The following CDH4 variants were observed in gnomAD, a reference collection of about 807,000 sequenced individuals.
The protein encoded by CDH4 is cadherin-4.
In CDH4, 33 loss-of-function variants were observed where a neutral mutation model predicts 86.0. That is an observed-to-expected ratio of 0.38 (90% CI 0.29 to 0.51). CDH4 has a LOEUF of 0.51. CDH4 is among the 20% of genes least tolerant of loss of function. The pLI, the probability that CDH4 is intolerant of heterozygous loss-of-function variation, is 0.86. For missense variants in CDH4, 1,114 were observed against 1,307.4 expected, an observed-to-expected ratio of 0.85 and a Z score of 2.28; for synonymous variants, 555 against 549.4, an observed-to-expected ratio of 1.01 and a Z score of -0.14.
At chr20:61,853,312 C>T (rs904535153) in intron 6 of CDH4, among the ~76,000 whole-genome samples, 2 of 152,066 alleles carry the variant, frequency 1.3e-5, no homozygotes, top group African/African-American at 4.8e-5. Context: ...GGTGCCCATG[C>T]CAGGGCCTGG....
At chr20:61,562,402 G>A (rs6587248) in intron 2 of CDH4, among the ~76,000 whole-genome samples, 29,855 of 89,944 alleles carry the variant, frequency 0.33, 4,201 homozygotes, top group African/African-American at 0.47. Context: ...GGAGAGAGAG[G>A]GGGACCTTCG....
chr20:61,667,612 C>A (rs372414490), intron 2 of CDH4, among the ~76,000 whole-genome samples: 1 of 152,054 alleles, frequency 6.6e-6, no homozygotes. Context: ...GAGGTGATGG[C>A]CCAGGACTGG....
intron 2 of CDH4, among the ~76,000 whole-genome samples, chr20:61,712,570 C>T (rs1600901410): frequency 6.6e-6 from 1 of 152,206 alleles, no homozygotes; most frequent in Admixed American, 6.5e-5. Flanking sequence ...CTCCTTTCTT[C>T]CTCCTCCCCT....
rs1426188858 is a variant in CDH4, at chr20:61,663,456, G to T, written c.170-80107G>T. ...AAGACAATAATTCTGAAGGCTCTGG[G>T]TCGGGGGCATTTCAGGCGAGGGTCC... On this transcript the variant is annotated intron_variant, in intron 2 of 15. Coordinates refer to ENST00000614565, the MANE Select transcript of CDH4 (RefSeq NM_001794.5). The surrounding 1 kb of genome is among the most constrained non-coding windows in gnomAD (Gnocchi z 5.0). 6.6e-6 allele frequency among the ~76,000 whole-genome samples: 1 copy of T among 152,248 alleles called. No individual in the cohort carries two copies. The highest frequency in any genetic ancestry group is 1.5e-5 in the Non-Finnish European group (1 of 68,046).
chr20:61,372,817 C>T lies in CDH4; in HGVS notation c.169+117880C>T, dbSNP rs190171641. ...GACTCCTAGTAGCAGGACACACTTA[C>T]CAAGCTAGACTATTTCTTTCCACAC... is the stretch of plus-strand genomic sequence containing the variant. On this transcript the variant is annotated intron_variant, in intron 2 of 15. Transcript: ENST00000614565. Among the ~76,000 whole-genome samples, 485 of 152,346 alleles carry T rather than the reference C, an allele frequency of 3.2e-3. 9 individuals are homozygous for T. The highest frequency in any genetic ancestry group is 2.3e-3 in the East Asian group (12 of 5,176).
chr20:61,665,699 C>T (rs1361370155), intron 2 of CDH4, among the ~76,000 whole-genome samples: 2 of 152,184 alleles, frequency 1.3e-5, no homozygotes, highest in Non-Finnish European at 2.9e-5. Context: ...GGTGTGCACG[C>T]AGCCAAGGGC....
At chr20:61,364,428 C>T (rs952789554) in intron 2 of CDH4, among the ~76,000 whole-genome samples, 4 of 152,168 alleles carry the variant, frequency 2.6e-5, no homozygotes, top group Non-Finnish European at 5.9e-5. Context: ...CTCAGGGCTC[C>T]CCATGGCCTT....
chr20:61,565,104 T>TTGGTGGTGG (rs1454326817), intron 2 of CDH4, among the ~76,000 whole-genome samples: 3 of 52,056 alleles, frequency 5.8e-5, no homozygotes, highest in African/African-American at 8.1e-5. Context: ...GGTGGTGCTC[T>TTGGTGGTGG]TGGTGGTGCT....
At chr20:61,273,281 AGT>A in intron 2 of CDH4, among the ~76,000 whole-genome samples, 2 of 113,720 alleles carry the variant, frequency 1.8e-5, no homozygotes, top group African/African-American at 3.6e-5. Flanking sequence ...AGTTTGGGGG[AGT>A]ATTGGGGAAG....
chr20:61,327,985 C>T (rs909330385), intron 2 of CDH4, among the ~76,000 whole-genome samples: 8 of 151,998 alleles, frequency 5.3e-5, no homozygotes. Context: ...AATACTGATG[C>T]TTTTGTGGGA....
At chr20:61,752,795 C>T (rs1600947992) in intron 3 of CDH4, among the ~76,000 whole-genome samples, 8 of 152,100 alleles carry the variant, frequency 5.3e-5, no homozygotes, top group Admixed American at 4.6e-4. Context: ...ACGTGTCAGC[C>T]GAGTGACCGC....
At chr20:61,304,926 A>G (rs925519029) in intron 2 of CDH4, among the ~76,000 whole-genome samples, 3 of 146,610 alleles carry the variant, frequency 2.0e-5, no homozygotes, top group Admixed American at 6.8e-5. Context: ...CGTGTGTTGT[A>G]CATGCAGTGT....
intron 2 of CDH4, among the ~76,000 whole-genome samples, chr20:61,266,808 A>G (rs1648042369): frequency 6.6e-6 from 1 of 152,160 alleles, no homozygotes; most frequent in South Asian, 2.1e-4. Context: ...GGGTGCCGAC[A>G]GTGGCCCACA....
At chr20:61,690,893 C>T (rs115680150) in intron 2 of CDH4, among the ~76,000 whole-genome samples, 1,565 of 152,062 alleles carry the variant, frequency 0.01, 30 homozygotes, top group African/African-American at 0.036. Context: ...CTGGAGCTGC[C>T]GGGAGGGGCA....
chr20:61,511,652 C>T (rs2085780884), intron 2 of CDH4, among the ~76,000 whole-genome samples: 1 of 152,188 alleles, frequency 6.6e-6, no homozygotes, highest in African/African-American at 2.4e-5. Context: ...GACTTTGTGG[C>T]CGTTTTCTAG....
At chr20:61,656,347 G>A (rs546526162) in intron 2 of CDH4, among the ~76,000 whole-genome samples, 5 of 146,010 alleles carry the variant, frequency 3.4e-5, no homozygotes, top group South Asian at 2.1e-4. Flanking sequence ...GTGGGTAGGC[G>A]CGTGCTGAAG....
At chr20:61,375,139 A>C (rs990666374) in intron 2 of CDH4, among the ~76,000 whole-genome samples, 5 of 152,192 alleles carry the variant, frequency 3.3e-5, no homozygotes, top group African/African-American at 9.7e-5. Context: ...ACATGTTCTC[A>C]TGATCTCCTG....
chr20:61,711,098 T>C (rs1042139736), intron 2 of CDH4, among the ~76,000 whole-genome samples: 4 of 152,216 alleles, frequency 2.6e-5, no homozygotes, highest in African/African-American at 9.6e-5. Context: ...ATAGGGGCAG[T>C]TCCCCCACTA....
At chr20:61,335,070 T>C (rs922602770) in intron 2 of CDH4, among the ~76,000 whole-genome samples, 2 of 152,192 alleles carry the variant, frequency 1.3e-5, no homozygotes, top group African/African-American at 4.8e-5. Flanking sequence ...CCAGCGAGTC[T>C]CTCTAACGTG....
Sources: allele counts gnomAD v4.1 joint callset (sites outside exome capture counted in the v4.1 genomes callset), GRCh38; gene constraint gnomAD v4.1.1; non-coding constraint Gnocchi (gnomAD v3.1); transcripts MANE v1.5; gene names NCBI Gene and HGNC (gene_info 2026-07-23, HGNC 2026-07-21).